The following PLAC1 variants were observed in gnomAD, a reference collection of about 807,000 sequenced individuals.
PLAC1 encodes the protein placenta-specific protein 1.
For synonymous variants in PLAC1, 68 were observed against 62.1 expected (o/e 1.09, Z -0.44); for missense variants, 136 against 163.2 (o/e 0.83, Z 0.91).
intron 2 of PLAC1, among the ~76,000 whole-genome samples, chrX:134,675,665 CAA>C (rs745755595): frequency 1.7e-4 from 14 of 80,897 alleles, no homozygotes; most frequent in African/African-American, 9.1e-5. Context: ...AACTCCATCT[CAA>C]AAAAAAAAAA....
At chrX:134,604,462 A>G (rs2078113106) in intron 1 of PLAC1, 2 of 112,070 alleles carry the variant, frequency 1.8e-5, no homozygotes, top group African/African-American at 6.5e-5. Flanking sequence ...TTTTCTCATC[A>G]GCCTTTCATC....
At chrX:134,654,785 C>T (rs375845499) in intron 1 of PLAC1, among the ~76,000 whole-genome samples, 2 of 112,397 alleles carry the variant, frequency 1.8e-5, no homozygotes, top group South Asian at 3.7e-4. Flanking sequence ...GCTTAGCTGA[C>T]GTCTGTGGGG....
chrX:134,613,257 T>C (rs190478082), intron 1 of PLAC1, among the ~76,000 whole-genome samples: 6 of 111,444 alleles, frequency 5.4e-5, no homozygotes, highest in African/African-American at 2.0e-4. Flanking sequence ...GTACCTTTCA[T>C]GCTAAAATGT....
intron 1 of PLAC1, among the ~76,000 whole-genome samples, chrX:134,628,263 G>A (rs779595251): frequency 8.9e-6 from 1 of 112,002 alleles, no homozygotes; most frequent in East Asian, 2.8e-4. Context: ...CATATCCACT[G>A]TGTATAGTAA....
intron 2 of PLAC1, among the ~76,000 whole-genome samples, chrX:134,594,844 ATTG>A (rs1459507619): frequency 6.8e-5 from 7 of 102,926 alleles, no homozygotes; most frequent in Non-Finnish European, 1.2e-4. Context: ...AATTTTCTCT[ATTG>A]TTTTCCTTTT....
chrX:134,718,945 G>A (rs898354224), intron 2 of PLAC1, among the ~76,000 whole-genome samples: 6 of 111,781 alleles, frequency 5.4e-5, no homozygotes, highest in Non-Finnish European at 1.1e-4. Context: ...ACTGGCTGCT[G>A]ACTGATAAAG....
chrX:134,638,866 C>G (rs1412313518), intron 1 of PLAC1, among the ~76,000 whole-genome samples: 1 of 110,839 alleles, frequency 9.0e-6, no homozygotes, highest in African/African-American at 3.3e-5. Flanking sequence ...GTTTGGTGTA[C>G]AGATTATTTC....
At chrX:134,613,882 G>C (rs1156237203) in intron 1 of PLAC1, among the ~76,000 whole-genome samples, 2 of 110,277 alleles carry the variant, frequency 1.8e-5, no homozygotes, top group African/African-American at 6.6e-5. Flanking sequence ...GCCCCTCACC[G>C]CCTACGAAAT....
intron 1 of PLAC1, among the ~76,000 whole-genome samples, chrX:134,759,919 G>A (rs1176618421): frequency 9.0e-6 from 1 of 111,303 alleles, no homozygotes; most frequent in African/African-American, 3.3e-5. Flanking sequence ...TGGGAAGGGT[G>A]AATCGGGGGT....
At chrX:134,762,720 C>T (rs1200612229) in intron 1 of PLAC1, among the ~76,000 whole-genome samples, 2 of 101,862 alleles carry the variant, frequency 2.0e-5, no homozygotes, top group Non-Finnish European at 4.0e-5. Flanking sequence ...CCCAGCTACT[C>T]GGGAAGCAGG....
At chrX:134,672,864 A>G (rs1234091525) in intron 2 of PLAC1, among the ~76,000 whole-genome samples, 1 of 112,719 alleles carries the variant, frequency 8.9e-6, no homozygotes, top group African/African-American at 3.2e-5. Flanking sequence ...ATGTACTTCT[A>G]GGCACCTCCA....
chrX:134,649,482 G>A (rs761004201), intron 1 of PLAC1, among the ~76,000 whole-genome samples: 2 of 110,326 alleles, frequency 1.8e-5, no homozygotes, highest in Non-Finnish European at 3.8e-5. Context: ...CATGGTGGGA[G>A]CATTTACACC....
chrX:134,569,586 TA>T (rs1234760056), intron 2 of PLAC1, among the ~76,000 whole-genome samples: 2 of 110,567 alleles, frequency 1.8e-5, no homozygotes, highest in Admixed American at 9.6e-5. Flanking sequence ...GAAAGGAGAT[TA>T]GGGGGAAAGC....
At chrX:134,722,080 T>A (rs763623752) in intron 2 of PLAC1, among the ~76,000 whole-genome samples, 1 of 110,495 alleles carries the variant, frequency 9.1e-6, no homozygotes, top group South Asian at 4.0e-4. Context: ...ACCTTGTAAA[T>A]CAATGTGTTC....
At chrX:134,589,127 A>G (rs2078021752) in intron 2 of PLAC1, among the ~76,000 whole-genome samples, 1 of 111,282 alleles carries the variant, frequency 9.0e-6, no homozygotes, top group Admixed American at 9.5e-5. Flanking sequence ...AATGTGAGTG[A>G]CAGGGAACTG....
chrX:134,633,508 G>A (rs1359588584), intron 1 of PLAC1, among the ~76,000 whole-genome samples: 2 of 111,464 alleles, frequency 1.8e-5, no homozygotes, highest in Non-Finnish European at 3.8e-5. Context: ...GTTTTGTTTT[G>A]TTTTGGTCCT....
chrX:134,713,407 A>C (rs1484957937), intron 2 of PLAC1, among the ~76,000 whole-genome samples: 1 of 112,618 alleles, frequency 8.9e-6, no homozygotes, highest in Non-Finnish European at 1.9e-5. Context: ...AGACTGTTTA[A>C]ATAAACATAA....
chrX:134,575,773 A>C (rs1312804532), intron 2 of PLAC1, among the ~76,000 whole-genome samples: 1 of 108,204 alleles, frequency 9.2e-6, no homozygotes, highest in Non-Finnish European at 1.9e-5. Flanking sequence ...CGTCTCAAAA[A>C]AAAAAAAAAA....
intron 1 of PLAC1, among the ~76,000 whole-genome samples, chrX:134,754,806 A>G (rs1288049833): frequency 1.6e-4 from 15 of 92,651 alleles, no homozygotes; most frequent in African/African-American, 6.2e-4. Context: ...TTTCTTGAAG[A>G]GACAAGATTA....
Sources: allele counts gnomAD v4.1 joint callset (sites outside exome capture counted in the v4.1 genomes callset), GRCh38; gene constraint gnomAD v4.1.1; transcripts MANE v1.5; gene names NCBI Gene and HGNC (gene_info 2026-07-23, HGNC 2026-07-21).